GPD2: variants seen among roughly 807,000 people sequenced by gnomAD.
GPD2 encodes glycerol-3-phosphate dehydrogenase, mitochondrial.
GPD2 carries 54 observed loss-of-function variants against 82.4 expected under a neutral mutation model. The ratio of observed to expected loss-of-function variants is 0.66; its 90% CI spans 0.53 to 0.82. GPD2 has a LOEUF of 0.82. Ranked by LOEUF, GPD2 falls within the 40% of genes least tolerant of loss-of-function variation. GPD2 has a pLI of 0.00. For synonymous variants in GPD2, 288 were observed against 306.1 expected (o/e 0.94, Z 0.62); for missense variants, 748 against 896.2 (o/e 0.83, Z 2.11).
chr2:156,513,342 GTTACC>G lies in GPD2; in HGVS notation c.512_516del (p.Pro171LeufsTer9). The G allele has an allele frequency of 6.2e-7, 1 of 1,610,268 alleles. No individual in the cohort carries two copies. The highest frequency in any genetic ancestry group is 8.5e-7 in the Non-Finnish European group (1 of 1,178,024). On this transcript the variant is annotated frameshift_variant, in exon 6 of 17. Transcript: ENST00000438166. LOFTEE classifies it high-confidence loss of function. ...CCTATTTATGCTGTAGGTGGTGGCA[GTTACC>G]TTACTACTGGGTAGGAATCAAGCTG... is the stretch of plus-strand genomic sequence containing the variant.
chr2:156,434,231 G>A (rs749419827), upstream of GPD2, among the ~76,000 whole-genome samples: 19 of 152,080 alleles, frequency 1.2e-4, no homozygotes, highest in Non-Finnish European at 2.6e-4. Flanking sequence ...AGCTTCCTGA[G>A]TAGCTGGGAT....
Position 156,496,158 on chromosome 2 carries a change from CT to C in GPD2, c.219del (p.Val74LeufsTer13). ...TLQNTSEFDI[L>X]VIGGGATGSG... The stretch of plus-strand genomic sequence containing the variant: ...GCAAAACACATCTGAATTTGATATC[CT>C]TGTTATTGGAGGAGGAGCAACAGGA... On this transcript the variant is annotated frameshift_variant, in exon 3 of 17. Transcript: ENST00000438166. LOFTEE classifies it high-confidence loss of function. 6.2e-7 allele frequency: 1 copy of C among 1,612,778 alleles called. No individual in the cohort carries two copies. The highest frequency in any genetic ancestry group is 8.5e-7 in the Non-Finnish European group (1 of 1,178,822).
chr2:156,518,384 C>T (rs923320130), intron 6 of GPD2, among the ~76,000 whole-genome samples: 2 of 152,152 alleles, frequency 1.3e-5, no homozygotes, highest in Admixed American at 1.3e-4. Flanking sequence ...CTCCCAGTCA[C>T]GAGCTGGAGG....
upstream of GPD2, among the ~76,000 whole-genome samples, chr2:156,435,002 C>G (rs1020248384): frequency 1.3e-5 from 2 of 152,024 alleles, no homozygotes; most frequent in African/African-American, 4.8e-5. Flanking sequence ...TTCCACCCCT[C>G]CCTGCCCCCT....
chr2:156,544,309 A>G (rs1042689438), intron 6 of GPD2, among the ~76,000 whole-genome samples: 58 of 152,274 alleles, frequency 3.8e-4, no homozygotes, highest in African/African-American at 1.4e-3. Flanking sequence ...GTGGAGGACA[A>G]GGGCACAAGC....
intron 6 of GPD2, among the ~76,000 whole-genome samples, chr2:156,527,583 T>C (rs1349126516): frequency 6.6e-6 from 1 of 152,124 alleles, no homozygotes. Flanking sequence ...CAAAACCAAA[T>C]ATATACTCTT....
upstream of GPD2, among the ~76,000 whole-genome samples, chr2:156,434,697 C>T (rs1418017316): frequency 6.6e-6 from 1 of 152,178 alleles, no homozygotes; most frequent in East Asian, 1.9e-4. Flanking sequence ...CTTTTCTCAA[C>T]TACAATTTCC....
In GPD2 at chr2:156,586,119, T is replaced by A. The variant is rs1688207677; in HGVS notation, c.*3201T>A. 6.6e-6 allele frequency: 1 copy of A among 152,454 alleles called. No individual in the cohort carries two copies. The highest frequency in any genetic ancestry group is 6.6e-5 in the Admixed American group (1 of 15,220). 9.4% of individuals were successfully genotyped at this position (152,454 alleles called of 1,614,324 possible). On this transcript the variant is annotated 3_prime_UTR_variant, in exon 17 of 17. Coordinates refer to ENST00000438166, the MANE Select transcript of GPD2 (RefSeq NM_000408.5). ...GCCTTGTTTTTAACTGAATAAGAACTGGAAGCATGAATCAATAAAACTGAT... is the reference window on the plus strand; with the variant it reads ...GCCTTGTTTTTAACTGAATAAGAACAGGAAGCATGAATCAATAAAACTGAT...
At chr2:156,525,836 G>A (rs1685586393) in intron 6 of GPD2, among the ~76,000 whole-genome samples, 1 of 152,114 alleles carries the variant, frequency 6.6e-6, no homozygotes, top group Non-Finnish European at 1.5e-5. Context: ...TAAATAAAGT[G>A]TTTTAAAGTA....
At chr2:156,578,684 G>A (rs1231345252) in intron 13 of GPD2, among the ~76,000 whole-genome samples, 10 of 152,170 alleles carry the variant, frequency 6.6e-5, no homozygotes. Context: ...TTAGGGTGAT[G>A]GAGATGCTGT....
At chr2:156,479,783 G>T (rs936037191) in intron 2 of GPD2, among the ~76,000 whole-genome samples, 3 of 152,088 alleles carry the variant, frequency 2.0e-5, no homozygotes, top group Admixed American at 2.0e-4. Context: ...CTTTTAGCGT[G>T]GTCTTAGAGT....
the GPD2 span, among the ~76,000 whole-genome samples, chr2:156,407,301 A>T: frequency 4.4e-4 from 67 of 152,248 alleles, no homozygotes; most frequent in African/African-American, 1.3e-3. Context: ...TATTAAAAAA[A>T]TTTTTTTAAT....
intron 6 of GPD2, among the ~76,000 whole-genome samples, chr2:156,528,113 G>T (rs1211899194): frequency 6.6e-6 from 1 of 151,912 alleles, no homozygotes; most frequent in Non-Finnish European, 1.5e-5. Flanking sequence ...TCTAATAAAA[G>T]AATAAAATAA....
chr2:156,478,864 A>G (rs1035187479), intron 2 of GPD2, among the ~76,000 whole-genome samples: 2 of 152,150 alleles, frequency 1.3e-5, no homozygotes, highest in African/African-American at 4.8e-5. Flanking sequence ...CCAACTGATA[A>G]ACTGCCGTTT....
At position 156,579,863 on chromosome 2, in the gene GPD2, G is replaced by A; in HGVS notation, c.2058+75G>A. 4 of 779,376 alleles carry A rather than the reference G, an allele frequency of 5.1e-6. No homozygotes were observed. In the South Asian group the frequency reaches 5.6e-5, roughly 11 times the overall value. 48.3% of individuals were successfully genotyped at this position (779,376 alleles called of 1,614,324 possible). A position where few individuals can be genotyped will look rare whatever the true frequency, so the allele number is the denominator to read the frequency against. On this transcript the variant is annotated intron_variant, in intron 16 of 16. Coordinates refer to ENST00000438166, the MANE Select transcript of GPD2 (RefSeq NM_000408.5). ...GTCATGATCATAAATGCATGTTCAA[G>A]AATGGATATTTAAGTCCACACAATT...
chr2:156,426,084 A>T, the GPD2 span, among the ~76,000 whole-genome samples: 4 of 151,706 alleles, frequency 2.6e-5, no homozygotes, highest in African/African-American at 9.7e-5. Context: ...CCACCACGCC[A>T]GGCTAATTTT....
At chr2:156,510,482 G>A (rs1198964877) in intron 3 of GPD2, among the ~76,000 whole-genome samples, 7 of 152,218 alleles carry the variant, frequency 4.6e-5, no homozygotes, top group South Asian at 4.1e-4. Context: ...CATGGGTAGA[G>A]TTGGGTGCTA....
chr2:156,473,778 A>G (rs1247965955), intron 1 of GPD2: 1 of 152,232 alleles, frequency 6.6e-6, no homozygotes, highest in African/African-American at 2.4e-5. Flanking sequence ...TGTTTACAAC[A>G]GTACATTGAT....
intron 12 of GPD2, 79 bp from the exon 13 acceptor site, chr2:156,571,055 A>AT (rs1262352753): frequency 4.3e-5 from 41 of 958,214 alleles, no homozygotes; most frequent in Middle Eastern, 2.6e-4. Flanking sequence ...GCACACATTT[A>AT]TTTTTTTTAA....
Sources: gnomAD v4.1 joint callset for allele counts (sites outside exome capture counted in the v4.1 genomes callset) on GRCh38, gnomAD v4.1.1 for gene constraint, MANE v1.5 for transcripts, NCBI Gene and HGNC (gene_info 2026-07-23, HGNC 2026-07-21) for gene names.